Variants in CNTNAP2 observed in about 807,000 individuals in gnomAD.
CNTNAP2 encodes contactin-associated protein-like 2.
In CNTNAP2, 98 loss-of-function variants were observed where a neutral mutation model predicts 155.2. That is an observed-to-expected ratio of 0.63 (90% CI 0.54 to 0.75). CNTNAP2 has a LOEUF of 0.75. Ranked by LOEUF, CNTNAP2 falls within the 30% of genes least tolerant of loss-of-function variation. The probability of loss-of-function intolerance (pLI) is 0.00; values close to 1 mark genes in which losing one functional copy is unlikely to be tolerated. For missense variants in CNTNAP2, 1,727 were observed against 1,688.1 expected, an observed-to-expected ratio of 1.02 and a Z score of -0.40; for synonymous variants, 651 against 631.2, an observed-to-expected ratio of 1.03 and a Z score of -0.47.
intron 1 of CNTNAP2, among the ~76,000 whole-genome samples, chr7:146,771,731 G>A (rs1802295883): frequency 6.6e-6 from 1 of 152,120 alleles, no homozygotes; most frequent in Non-Finnish European, 1.5e-5. Context: ...ATTGAGTGGT[G>A]AGATAATAAA....
In CNTNAP2 at chr7:146,320,927, T is replaced by C. The variant is rs540887129; in HGVS notation, c.97+203954T>C. On this transcript the variant is annotated intron_variant, in intron 1 of 23. Transcript: ENST00000361727. ...ATTGAGTATTAAATAAAAGATATAA[T>C]ATCTTTTAAAGAACAGATATCAGTT... Among the ~76,000 whole-genome samples the C allele has an allele frequency of 5.7e-3, 859 of 151,852 alleles. 9 individuals carry two copies. The highest frequency in any genetic ancestry group is 0.02 in the African/African-American group (828 of 41,306).
chr7:146,790,389 T>G (rs1802648912), intron 2 of CNTNAP2, among the ~76,000 whole-genome samples: 1 of 152,154 alleles, frequency 6.6e-6, no homozygotes, highest in Non-Finnish European at 1.5e-5. Flanking sequence ...GTTTGTTGGT[T>G]TCATTCCCAA....
chr7:147,742,765 A>T (rs1356582974), intron 13 of CNTNAP2, among the ~76,000 whole-genome samples: 1 of 152,230 alleles, frequency 6.6e-6, no homozygotes, highest in Non-Finnish European at 1.5e-5. Flanking sequence ...GCCCCTTCTC[A>T]GGAATAGACA....
rs544013354 is a variant in CNTNAP2, at chr7:147,673,328, T to A, written c.2098+34022T>A. Among the ~76,000 whole-genome samples the A allele has an allele frequency of 2.0e-4, 30 of 152,324 alleles. 1 individual carries two copies. The South Asian group carries it at 2.9e-3, about 15-fold the overall frequency. ...GTAATTACCATGTAACTGATTATCA[T>A]TCATGTTCTGAGCGCTGTGCTATTA... is the stretch of plus-strand genomic sequence containing the variant. On this transcript the variant is annotated intron_variant, in intron 13 of 23. Coordinates refer to ENST00000361727, the MANE Select transcript of CNTNAP2 (RefSeq NM_014141.6).
rs71188948 is a variant in CNTNAP2, at chr7:148,150,102, CAAAAAAAAA to C, written c.2773+2413_2773+2421del. Among the ~76,000 whole-genome samples the C allele has an allele frequency of 9.7e-4, 82 of 84,536 alleles. 1 individual carries two copies. Among genetic ancestry groups the C allele is most frequent in the African/African-American group, 2.8e-3 (68 of 24,410 alleles). 55.5% of individuals were successfully genotyped at this position (84,536 alleles called of 152,430 possible). On this transcript the variant is annotated intron_variant, in intron 17 of 23. Coordinates refer to ENST00000361727, the MANE Select transcript of CNTNAP2 (RefSeq NM_014141.6). ...TCAGGTGAAGTGAGAGGGGTTGTTA[CAAAAAAAAA>C]AAAAAAAAAAAAAAAAAAAGGACGG...
At chr7:148,177,678 C>A (rs1794962830) in intron 18 of CNTNAP2, among the ~76,000 whole-genome samples, 1 of 152,134 alleles carries the variant, frequency 6.6e-6, no homozygotes, top group East Asian at 1.9e-4. Flanking sequence ...TACTAGTGCT[C>A]CTATTGTACC....
At chr7:148,258,507 G>A (rs1796497039) in intron 20 of CNTNAP2, among the ~76,000 whole-genome samples, 1 of 152,160 alleles carries the variant, frequency 6.6e-6, no homozygotes, top group Non-Finnish European at 1.5e-5. Flanking sequence ...CCCTAGGCTT[G>A]TGTATACCCT....
At chr7:147,478,361 C>G (rs1563220290) in intron 10 of CNTNAP2, among the ~76,000 whole-genome samples, 2 of 152,136 alleles carry the variant, frequency 1.3e-5, no homozygotes, top group Non-Finnish European at 2.9e-5. Context: ...CCATGTTGGT[C>G]AGGCTGGTCT....
intron 1 of CNTNAP2, among the ~76,000 whole-genome samples, chr7:146,434,721 A>C (rs1287265772): frequency 1.3e-5 from 2 of 152,218 alleles, no homozygotes; most frequent in African/African-American, 4.8e-5. Context: ...CAATGGATTA[A>C]AACAATATTA....
chr7:146,821,987 A>G (rs549652243), intron 2 of CNTNAP2, among the ~76,000 whole-genome samples: 1 of 152,114 alleles, frequency 6.6e-6, no homozygotes, highest in South Asian at 2.1e-4. Context: ...TACCCAAAGG[A>G]TTATAAATCA....
intron 1 of CNTNAP2, among the ~76,000 whole-genome samples, chr7:146,718,524 G>A (rs1218892068): frequency 1.3e-5 from 2 of 151,938 alleles, no homozygotes; most frequent in East Asian, 3.9e-4. Flanking sequence ...TTAATTAGAA[G>A]GAAGGATGTC....
intron 1 of CNTNAP2, among the ~76,000 whole-genome samples, chr7:146,460,740 C>T (rs921150275): frequency 6.6e-6 from 1 of 152,134 alleles, no homozygotes; most frequent in Non-Finnish European, 1.5e-5. Context: ...ACAAACACTG[C>T]ATCTCACTTA....
intron 1 of CNTNAP2, among the ~76,000 whole-genome samples, chr7:146,217,714 T>G (rs2116891774): frequency 6.6e-6 from 1 of 152,298 alleles, no homozygotes; most frequent in East Asian, 1.9e-4. Context: ...GGTGGTTGCC[T>G]CTGGGTGGGG....
At chr7:147,557,187 C>T (rs1450919338) in intron 11 of CNTNAP2, among the ~76,000 whole-genome samples, 1 of 151,982 alleles carries the variant, frequency 6.6e-6, no homozygotes, top group Admixed American at 6.6e-5. Flanking sequence ...TCGCTTGAAC[C>T]CGGGAGGCAA....
In CNTNAP2 at chr7:148,366,017, CATGTATGCAT is replaced by C. The variant is rs1798755846; in HGVS notation, c.3476-17631_3476-17622del. 1.8e-3 allele frequency among the ~76,000 whole-genome samples: 2 copies of C among 1,084 alleles called. 1 individual carries two copies. Among genetic ancestry groups the C allele is most frequent in the African/African-American group, 2.2e-3 (2 of 924 alleles). 0.7% of individuals were successfully genotyped at this position (1,084 alleles called of 152,430 possible). A position where few individuals can be genotyped will look rare whatever the true frequency, so the allele number is the denominator to read the frequency against. On this transcript the variant is annotated intron_variant, in intron 21 of 23. Coordinates refer to ENST00000361727, the MANE Select transcript of CNTNAP2 (RefSeq NM_014141.6). ...GTATGCATGTATGCATGTGTGTATG[CATGTATGCAT>C]GTGTGTGTATGCATGTATGCATGTG...
At chr7:147,116,862 G>T (rs1204680990) in intron 5 of CNTNAP2, among the ~76,000 whole-genome samples, 1 of 151,870 alleles carries the variant, frequency 6.6e-6, no homozygotes, top group African/African-American at 2.4e-5. Context: ...CAAAGCCACT[G>T]TGTTACGCTG....
At chr7:147,463,538 G>A (rs1798061857) in intron 10 of CNTNAP2, among the ~76,000 whole-genome samples, 1 of 152,196 alleles carries the variant, frequency 6.6e-6, no homozygotes, top group South Asian at 2.1e-4. Flanking sequence ...CCTGTGTCAT[G>A]TACCTATTAA....
intron 1 of CNTNAP2, among the ~76,000 whole-genome samples, chr7:146,300,334 C>G (rs534368606): frequency 1.3e-5 from 2 of 152,092 alleles, no homozygotes; most frequent in South Asian, 4.1e-4. Flanking sequence ...ATATTGCACA[C>G]TTTTTATGTG....
intron 10 of CNTNAP2, among the ~76,000 whole-genome samples, chr7:147,404,912 A>C (rs561093798): frequency 6.6e-6 from 1 of 152,100 alleles, no homozygotes; most frequent in South Asian, 2.1e-4. Context: ...ATTCTTTTTT[A>C]AAAAAAGGTA....
Sources: allele counts gnomAD v4.1 joint callset (sites outside exome capture counted in the v4.1 genomes callset), GRCh38; gene constraint gnomAD v4.1.1; transcripts MANE v1.5; gene names NCBI Gene and HGNC (gene_info 2026-07-23, HGNC 2026-07-21).